TUT4: variants seen among roughly 807,000 people sequenced by gnomAD.
TUT4 encodes terminal uridylyl transferase 4.
A neutral mutation model predicts 192.2 loss-of-function variants in TUT4; 36 were observed. The ratio of observed to expected loss-of-function variants is 0.19; its 90% CI spans 0.14 to 0.25. The LOEUF is 0.25. Ranked by LOEUF, TUT4 falls within the 10% of genes least tolerant of loss-of-function variation. The pLI, the probability that TUT4 is intolerant of heterozygous loss-of-function variation, is 1.00. For synonymous variants in TUT4, 618 were observed against 666.0 expected (o/e 0.93, Z 1.11); for missense variants, 1,493 against 1,957.2 (o/e 0.76, Z 4.47).
chr1:52,477,534 T>C (rs1392001601), intron 12 of TUT4, among the ~76,000 whole-genome samples, 174 bp downstream of exon 12: 1 of 152,200 alleles, frequency 6.6e-6, no homozygotes, highest in African/African-American at 2.4e-5. Context: ...ATCACTGCAC[T>C]TCTGCCTGGG....
chr1:52,539,361 A>G (rs1475313524), intron 1 of TUT4, among the ~76,000 whole-genome samples: 1 of 152,024 alleles, frequency 6.6e-6, no homozygotes, highest in Non-Finnish European at 1.5e-5. Context: ...CAGTGAATAT[A>G]AAGGGGTGAC....
intron 9 of TUT4, among the ~76,000 whole-genome samples, chr1:52,483,353 T>C (rs1026440777): frequency 6.6e-6 from 1 of 152,150 alleles, no homozygotes; most frequent in Non-Finnish European, 1.5e-5. Context: ...ATTTGAAAGA[T>C]GTTATTTTTC....
At chr1:52,501,867 G>T (rs1161391260) in intron 4 of TUT4, among the ~76,000 whole-genome samples, 1 of 152,160 alleles carries the variant, frequency 6.6e-6, no homozygotes, top group Non-Finnish European at 1.5e-5. Context: ...AATAATGTAT[G>T]ATTCCATTTA....
chr1:52,506,727 C>G lies in TUT4; in HGVS notation c.999+2869G>C, dbSNP rs187887270. On this transcript the variant is annotated intron_variant, in intron 4 of 29. Transcript: ENST00000257177. ...TCAAGAATACAGTTATATTAACTGT[C>G]TTACTGTCCTTCTCTGCTAATCCTA... Among the ~76,000 whole-genome samples, 3 of 152,258 alleles carry G rather than the reference C, an allele frequency of 2.0e-5. No individual in the cohort carries two copies. The East Asian group carries it at 5.8e-4, about 29-fold the overall frequency.
intron 20 of TUT4, among the ~76,000 whole-genome samples, chr1:52,455,568 A>G (rs1054636127): frequency 2.1e-5 from 3 of 141,410 alleles, no homozygotes; most frequent in African/African-American, 5.2e-5. Flanking sequence ...ATGATTGCAC[A>G]GTCCAGCCCG....
At chr1:52,497,671 T>A (rs536330207) in intron 4 of TUT4, among the ~76,000 whole-genome samples, 1 of 152,236 alleles carries the variant, frequency 6.6e-6, no homozygotes, top group Non-Finnish European at 1.5e-5. Context: ...AAAACCTCTA[T>A]TCTGCTAAAA....
chr1:52,488,552 A>G (rs1670369442), intron 9 of TUT4, among the ~76,000 whole-genome samples: 1 of 152,246 alleles, frequency 6.6e-6, no homozygotes, highest in Non-Finnish European at 1.5e-5. Flanking sequence ...ATATGCCAAC[A>G]AAAGAATCTT....
intron 19 of TUT4, among the ~76,000 whole-genome samples, chr1:52,459,629 T>C (rs1661981478): frequency 6.6e-6 from 1 of 152,108 alleles, no homozygotes; most frequent in Non-Finnish European, 1.5e-5. Context: ...CTCACGCCTC[T>C]AATCACAGCA....
At chr1:52,486,633 T>C (rs1030500612) in intron 9 of TUT4, among the ~76,000 whole-genome samples, 1 of 152,142 alleles carries the variant, frequency 6.6e-6, no homozygotes, top group Non-Finnish European at 1.5e-5. Context: ...AGAAAATGAA[T>C]ACCATGAAAA....
Position 52,461,219 on chromosome 1 carries a change from T to C in TUT4, c.3236A>G (p.Gln1079Arg). Residue 1079 changes from glutamine (Q) to arginine (R), a missense_variant, in exon 19 of 30, where the codon CAA becomes CGA. Gln to Arg is a conservative substitution (Grantham distance 43). This residue lies in a region of TUT4 where 141 missense variants were observed against 382.7 expected (regional missense o/e 0.37). Coordinates refer to ENST00000257177, the MANE Select transcript of TUT4 (RefSeq NM_001009881.3). ...AGTAGCTAGCATTCTTGTGTTATGT[T>C]GAGCCTGAAAAATAATTACATATTT... ...GDISLYNTLA[Q>R]HNTRMLATYA... 6.2e-7 allele frequency: 1 copy of C among 1,601,938 alleles called. No homozygotes were observed. Among genetic ancestry groups the C allele is most frequent in the Non-Finnish European group, 8.5e-7 (1 of 1,175,138 alleles).
intron 1 of TUT4, among the ~76,000 whole-genome samples, chr1:52,530,922 G>C (rs1438196758): frequency 6.6e-6 from 1 of 152,126 alleles, no homozygotes; most frequent in East Asian, 1.9e-4. Flanking sequence ...AGGATGGCTT[G>C]AGCCCAGGAG....
chr1:52,450,818 C>T (rs1477179123), intron 20 of TUT4, among the ~76,000 whole-genome samples: 1 of 152,018 alleles, frequency 6.6e-6, no homozygotes, highest in African/African-American at 2.4e-5. Flanking sequence ...GACTCCTAAT[C>T]CATGGGTAAG....
At chr1:52,500,614 T>C (rs1219917541) in intron 4 of TUT4, among the ~76,000 whole-genome samples, 2 of 152,042 alleles carry the variant, frequency 1.3e-5, no homozygotes, top group Non-Finnish European at 2.9e-5. Context: ...TACAAAAAAC[T>C]AGCCGGGCAT....
At chr1:52,491,848 A>T (rs566588912) in intron 7 of TUT4, among the ~76,000 whole-genome samples, 3 of 152,362 alleles carry the variant, frequency 2.0e-5, no homozygotes, top group African/African-American at 4.8e-5. Context: ...AGCAGGGTCA[A>T]TATGACAATG....
In TUT4 at chr1:52,458,316, T is replaced by G. The variant is rs1485865882; in HGVS notation, c.3435+20A>C. ...ATTGTTTTCAAAAAAAACTCCTTTA[T>G]AGTTTTCTTAAACACCTACCTCTTG... On this transcript the variant is annotated intron_variant, in intron 20 of 29. Coordinates refer to ENST00000257177, the MANE Select transcript of TUT4 (RefSeq NM_001009881.3). 6.3e-7 allele frequency: 1 copy of G among 1,587,508 alleles called. No individual in the cohort carries two copies. Among genetic ancestry groups the G allele is most frequent in the South Asian group, 1.1e-5 (1 of 88,920 alleles).
intron 1 of TUT4, among the ~76,000 whole-genome samples, chr1:52,547,043 C>G (rs553302582): frequency 6.6e-6 from 1 of 151,332 alleles, no homozygotes; most frequent in Non-Finnish European, 1.5e-5. Flanking sequence ...ACTCAAGAGG[C>G]TAAGGCAGGA....
At chr1:52,542,760 TATTTA>T (rs1687034960) in intron 1 of TUT4, among the ~76,000 whole-genome samples, 6 of 147,812 alleles carry the variant, frequency 4.1e-5, no homozygotes, top group Non-Finnish European at 9.0e-5. Flanking sequence ...TTTATTTATT[TATTTA>T]TTTATTTTTT....
chr1:52,531,677 T>C (rs1427520174), intron 1 of TUT4, among the ~76,000 whole-genome samples: 3 of 152,154 alleles, frequency 2.0e-5, no homozygotes, highest in South Asian at 4.1e-4. Flanking sequence ...AATTGCATCA[T>C]ACTTTATGTT....
At chr1:52,498,901 ATTATATATATATATATAT>A (rs1673227668) in intron 4 of TUT4, among the ~76,000 whole-genome samples, 1 of 73,314 alleles carries the variant, frequency 1.4e-5, no homozygotes, top group Non-Finnish European at 2.5e-5. Context: ...AAAAAAAAAA[ATTATATATATATATATAT>A]ATATATATAT....
Sources: allele counts gnomAD v4.1 joint callset (sites outside exome capture counted in the v4.1 genomes callset), GRCh38; gene constraint gnomAD v4.1.1; regional missense constraint gnomAD v4.1.1; transcripts MANE v1.5; gene names NCBI Gene and HGNC (gene_info 2026-07-23, HGNC 2026-07-21).